CAPZB: variants seen among roughly 807,000 people sequenced by gnomAD.
The protein encoded by CAPZB is F-actin-capping protein subunit beta.
A neutral mutation model predicts 38.1 loss-of-function variants in CAPZB; 2 were observed. That is an observed-to-expected ratio of 0.05 (90% confidence interval 0.02 to 0.17). The LOEUF (loss-of-function observed/expected upper bound fraction) is 0.17. Among genes scored for constraint, CAPZB ranks in the 10% least tolerant of loss-of-function variants. The pLI is 1.00. For synonymous variants in CAPZB, 107 were observed against 127.4 expected (o/e 0.84, Z 1.08); for missense variants, 161 against 334.2 (o/e 0.48, Z 4.04).
chr1:19,450,835 T>G (rs999254882), intron 1 of CAPZB, among the ~76,000 whole-genome samples: 1 of 152,154 alleles, frequency 6.6e-6, no homozygotes, highest in Non-Finnish European at 1.5e-5. Flanking sequence ...TGCAGACACA[T>G]ATACCACATT....
chr1:19,473,873 G>C (rs996340021), intron 1 of CAPZB, among the ~76,000 whole-genome samples: 80 of 152,120 alleles, frequency 5.3e-4, no homozygotes, highest in African/African-American at 1.9e-3. Context: ...TTAAAAAAAA[G>C]AGAGAGATTT....
At chr1:19,406,412 G>A (rs555311501) in intron 2 of CAPZB, among the ~76,000 whole-genome samples, 1 of 152,274 alleles carries the variant, frequency 6.6e-6, no homozygotes, top group South Asian at 2.1e-4. Context: ...CAGGAGGCCA[G>A]AACAGAACGC....
chr1:19,400,470 C>A (rs758447788), intron 2 of CAPZB, among the ~76,000 whole-genome samples: 2 of 152,154 alleles, frequency 1.3e-5, no homozygotes, highest in Non-Finnish European at 2.9e-5. Context: ...CTAAGGGGGG[C>A]GACCCAGGAA....
chr1:19,349,190 G>C (rs1395706352), intron 6 of CAPZB, among the ~76,000 whole-genome samples: 1 of 152,172 alleles, frequency 6.6e-6, no homozygotes, highest in Non-Finnish European at 1.5e-5. Context: ...CCCTCAGGAG[G>C]GAGGGGGCTC....
chr1:19,359,976 C>T (rs929398924), intron 4 of CAPZB, among the ~76,000 whole-genome samples: 4 of 152,220 alleles, frequency 2.6e-5, no homozygotes, highest in African/African-American at 9.6e-5. Context: ...AAAACCCCAT[C>T]TGCCTCCATA....
At chr1:19,352,044 G>A (rs893918897) in intron 6 of CAPZB, among the ~76,000 whole-genome samples, 1 of 152,218 alleles carries the variant, frequency 6.6e-6, no homozygotes, top group Non-Finnish European at 1.5e-5. Context: ...CACAGGACAC[G>A]AGGAGCGGGT....
chr1:19,374,412 T>C (rs2094134545), intron 4 of CAPZB: 1 of 152,228 alleles, frequency 6.6e-6, no homozygotes, highest in African/African-American at 2.4e-5. Flanking sequence ...AAGCCAAACA[T>C]AGTCCTGATT....
intron 2 of CAPZB, among the ~76,000 whole-genome samples, chr1:19,406,925 A>G (rs960452471): frequency 6.6e-6 from 1 of 152,174 alleles, no homozygotes; most frequent in Admixed American, 6.5e-5. Flanking sequence ...TGTCATGCCC[A>G]TCTCACAGAT....
In CAPZB at chr1:19,390,340, C is replaced by T. The variant is rs992150282; in HGVS notation, c.94-4714G>A. ...CTGTCGCCTCCAAAGCCAGGGAGGG[C>T]CTCTGAGGAGGAGGAGCGGTGCTGA... On this transcript the variant is annotated intron_variant, in intron 2 of 8. Coordinates refer to ENST00000264202, the MANE Select transcript of CAPZB (RefSeq NM_004930.5). 2.6e-5 allele frequency among the ~76,000 whole-genome samples: 4 copies of T among 152,346 alleles called. No individual in the cohort carries two copies. In the East Asian group the frequency reaches 7.7e-4, roughly 29 times the overall value.
intron 1 of CAPZB, among the ~76,000 whole-genome samples, chr1:19,428,294 A>C (rs773519112): frequency 2.4e-4 from 36 of 151,998 alleles, no homozygotes; most frequent in Non-Finnish European, 4.4e-4. Flanking sequence ...TCCCAGCTAC[A>C]CGGGAGGCTG....
intron 2 of CAPZB, among the ~76,000 whole-genome samples, chr1:19,416,683 T>C (rs983409952): frequency 6.6e-6 from 1 of 151,620 alleles, no homozygotes; most frequent in African/African-American, 2.4e-5. Flanking sequence ...AGAACCAGTC[T>C]CTATGCAAAA....
chr1:19,408,129 T>C (rs535089803), intron 2 of CAPZB, among the ~76,000 whole-genome samples: 103 of 152,306 alleles, frequency 6.8e-4, no homozygotes, highest in African/African-American at 2.4e-3. Context: ...GGTTATAAAA[T>C]GCCCCACTGT....
intron 2 of CAPZB, among the ~76,000 whole-genome samples, chr1:19,395,224 GGGTTT>G (rs1445695310): frequency 6.6e-6 from 1 of 152,210 alleles, no homozygotes; most frequent in African/African-American, 2.4e-5. Context: ...TGGTTACCTA[GGGTTT>G]AATACAACTG....
chr1:19,427,485 C>T (rs1423455934), intron 1 of CAPZB, among the ~76,000 whole-genome samples: 1 of 152,216 alleles, frequency 6.6e-6, no homozygotes, highest in Non-Finnish European at 1.5e-5. Context: ...TAATCCGTGA[C>T]CCAATAAGCA....
chr1:19,446,226 C>G (rs114877632), intron 1 of CAPZB, among the ~76,000 whole-genome samples: 10 of 152,326 alleles, frequency 6.6e-5, no homozygotes, highest in African/African-American at 2.4e-4. Context: ...AATACTTTAC[C>G]AAGTTCAGGA....
chr1:19,444,222 T>C (rs1261733222), intron 1 of CAPZB, among the ~76,000 whole-genome samples: 11 of 152,168 alleles, frequency 7.2e-5, no homozygotes, highest in East Asian at 3.9e-4. Flanking sequence ...GTGTCTCCCA[T>C]AGAAAGAGGC....
chr1:19,394,645 G>T (rs2094256121), intron 2 of CAPZB, among the ~76,000 whole-genome samples: 1 of 152,184 alleles, frequency 6.6e-6, no homozygotes, highest in Admixed American at 6.5e-5. Flanking sequence ...GAATCCAGGA[G>T]GCGGAGGTTG....
intron 3 of CAPZB, among the ~76,000 whole-genome samples, chr1:19,383,354 G>A (rs2094185914): frequency 6.6e-6 from 1 of 150,746 alleles, no homozygotes. Flanking sequence ...GCTGAGGCAG[G>A]AGAATCTGCT....
At chr1:19,367,056 G>C (rs2094092656) in intron 4 of CAPZB, among the ~76,000 whole-genome samples, 1 of 152,136 alleles carries the variant, frequency 6.6e-6, no homozygotes, top group East Asian at 1.9e-4. Flanking sequence ...TTGCTCTGCT[G>C]GCTGCCATCT....
Sources: allele counts gnomAD v4.1 joint callset (sites outside exome capture counted in the v4.1 genomes callset), GRCh38; gene constraint gnomAD v4.1.1; transcripts MANE v1.5; gene names NCBI Gene and HGNC (gene_info 2026-07-23, HGNC 2026-07-21).